Variants in INSL6 observed in about 807,000 individuals in gnomAD.
The protein encoded by INSL6 is insulin-like peptide INSL6.
INSL6 carries 16 observed loss-of-function variants against 9.4 expected under a neutral mutation model. The observed-to-expected ratio is 1.70, with a 90% CI of 1.15 to 2.59. The LOEUF (loss-of-function observed/expected upper bound fraction) is 2.59, where lower values mean the gene tolerates loss of function less well. INSL6 is among the 30% of genes most tolerant of loss of function. The probability of loss-of-function intolerance (pLI) is 0.00; values close to 1 mark genes in which losing one functional copy is unlikely to be tolerated. For missense variants in INSL6, 391 were observed against 257.3 expected (o/e 1.52, Z -3.56); for synonymous variants, 154 against 96.9 (o/e 1.59, Z -3.46).
chr9:5,178,234 G>A (rs1334801890), intron 1 of INSL6, among the ~76,000 whole-genome samples: 1 of 152,102 alleles, frequency 6.6e-6, no homozygotes, highest in South Asian at 2.1e-4. Context: ...TCCTTGTAGG[G>A]GCTTCAGCCA....
the INSL6 span, among the ~76,000 whole-genome samples, chr9:5,016,438 A>G: frequency 6.6e-6 from 1 of 152,226 alleles, no homozygotes; most frequent in Admixed American, 6.6e-5. Flanking sequence ...GGAATGGTGC[A>G]ATGAGCCTGC....
chr9:5,049,092 G>T, the INSL6 span, among the ~76,000 whole-genome samples: 35,498 of 152,030 alleles, frequency 0.23, 4,547 homozygotes, highest in South Asian at 0.3. Flanking sequence ...AAAGTTATCA[G>T]CCTTTTTTCA....
the INSL6 span, among the ~76,000 whole-genome samples, chr9:5,030,421 T>C: frequency 7.2e-5 from 11 of 152,138 alleles, no homozygotes; most frequent in Non-Finnish European, 1.5e-4. Context: ...CTCGAAAGGA[T>C]GAAACAAAGA....
the INSL6 span, among the ~76,000 whole-genome samples, chr9:5,048,224 C>A: frequency 8.3e-4 from 127 of 152,184 alleles, no homozygotes; most frequent in African/African-American, 2.8e-3. Flanking sequence ...TCACTGCAAC[C>A]TCTGCCTCCC....
At chr9:5,178,994 A>T (rs1179599383) in intron 1 of INSL6, among the ~76,000 whole-genome samples, 6 of 152,056 alleles carry the variant, frequency 3.9e-5, no homozygotes, top group Non-Finnish European at 8.8e-5. Flanking sequence ...TTGCAACAAA[A>T]TCAAAAACTG....
At chr9:5,089,897 AG>A in the INSL6 span, 7 of 1,398,620 alleles carry the variant, frequency 5.0e-6, no homozygotes, top group Non-Finnish European at 6.6e-6. Context: ...TTTAAATTCA[AG>A]GTATGTGTTT....
chr9:5,047,810 A>G, the INSL6 span, among the ~76,000 whole-genome samples: 3 of 152,054 alleles, frequency 2.0e-5, no homozygotes, highest in Non-Finnish European at 4.4e-5. Context: ...TCTATTGTCC[A>G]GGCTGGTTTC....
chr9:5,159,135 A>G (rs1824872241), downstream of INSL6, among the ~76,000 whole-genome samples: 1 of 152,148 alleles, frequency 6.6e-6, no homozygotes, highest in African/African-American at 2.4e-5. Flanking sequence ...CTAAAAACAT[A>G]CAACAGATAC....
the INSL6 span, among the ~76,000 whole-genome samples, chr9:5,047,518 T>G: frequency 1.3e-5 from 2 of 152,270 alleles, no homozygotes; most frequent in African/African-American, 2.4e-5. Context: ...AACAATTGGA[T>G]GTTTACCTCA....
chr9:5,056,525 A>G, the INSL6 span, among the ~76,000 whole-genome samples: 1 of 152,024 alleles, frequency 6.6e-6, no homozygotes, highest in Non-Finnish European at 1.5e-5. Context: ...CTTGCAACTC[A>G]CTTAATTCAG....
chr9:5,135,961 G>T (rs1201691346), intron 2 of INSL6, among the ~76,000 whole-genome samples: 1 of 152,116 alleles, frequency 6.6e-6, no homozygotes, highest in African/African-American at 2.4e-5. Flanking sequence ...CAATCCCACA[G>T]AAATACAAAC....
the INSL6 span, chr9:5,098,384 C>G: frequency 6.6e-6 from 1 of 152,182 alleles, no homozygotes. Context: ...GCTACATCCC[C>G]TATCATAGAA....
chr9:5,165,457 G>T (rs1825030623), intron 1 of INSL6, among the ~76,000 whole-genome samples: 2 of 152,026 alleles, frequency 1.3e-5, no homozygotes, highest in Admixed American at 1.3e-4. Context: ...TCCATTTTTT[G>T]ATTATCACCA....
At chr9:5,076,159 A>G in the INSL6 span, among the ~76,000 whole-genome samples, 1 of 152,150 alleles carries the variant, frequency 6.6e-6, no homozygotes, top group African/African-American at 2.4e-5. Context: ...GATGGAATCT[A>G]CTCCTAGTGA....
the INSL6 span, among the ~76,000 whole-genome samples, chr9:5,015,538 CTTTTTT>C: frequency 9.1e-6 from 1 of 109,650 alleles, no homozygotes; most frequent in South Asian, 2.8e-4. Context: ...TTTTTCTTTT[CTTTTTT>C]TTTTTTTTGA....
At chr9:5,150,245 A>G (rs1824683849) in intron 2 of INSL6, among the ~76,000 whole-genome samples, 1 of 132,412 alleles carries the variant, frequency 7.6e-6, no homozygotes. Context: ...CAAAATACAA[A>G]TAAGACATAG....
At chr9:5,088,914 G>T in the INSL6 span, among the ~76,000 whole-genome samples, 1 of 152,188 alleles carries the variant, frequency 6.6e-6, no homozygotes, top group Non-Finnish European at 1.5e-5. Context: ...TGGGGGTTAA[G>T]GCTTCATTAT....
At chr9:5,185,163 A>G (rs1825539904) in intron 1 of INSL6, 151 bp downstream of exon 1, 25 of 940,086 alleles carry the variant, frequency 2.7e-5, no homozygotes, top group Admixed American at 4.8e-5. Flanking sequence ...AGTTTTGTAT[A>G]TTTTCAATAC....
At chr9:5,119,246 T>C (rs570688089), downstream of INSL6, among the ~76,000 whole-genome samples, 42 of 152,076 alleles carry the variant, frequency 2.8e-4, no homozygotes, top group Non-Finnish European at 4.3e-4. Flanking sequence ...CTAAATATAT[T>C]AATAATATGT....
Sources: gnomAD v4.1 joint callset for allele counts (sites outside exome capture counted in the v4.1 genomes callset) on GRCh38, gnomAD v4.1.1 for gene constraint, MANE v1.5 for transcripts, NCBI Gene and HGNC (gene_info 2026-07-23, HGNC 2026-07-21) for gene names.